Variants in ACD observed in about 807,000 individuals in gnomAD.
The protein encoded by ACD is adrenocortical dysplasia protein homolog.
ACD carries 39 observed loss-of-function variants against 53.9 expected under a neutral mutation model. The observed-to-expected ratio is 0.72, with a 90% CI of 0.56 to 0.95. The LOEUF (loss-of-function observed/expected upper bound fraction) is 0.95. Ranked by LOEUF, ACD falls within the 40% of genes least tolerant of loss-of-function variation. The probability of loss-of-function intolerance (pLI) is 0.00; values close to 1 mark genes in which losing one functional copy is unlikely to be tolerated. For synonymous variants in ACD, 273 were observed against 249.2 expected, an observed-to-expected ratio of 1.10 and a Z score of -0.90; for missense variants, 526 against 587.9, an observed-to-expected ratio of 0.89 and a Z score of 1.09.
Position 67,659,785 on chromosome 16 carries a change from C to G in ACD, c.253G>C (p.Glu85Gln). Residue 85 changes from glutamate (E) to glutamine (Q), a missense_variant, in exon 3 of 12, where the codon GAG becomes CAG. By Grantham distance (29) the Glu-to-Gln change is conservative (BLOSUM62 2). Transcript: ENST00000620761. ...ALDTSDWEEK[E>Q]FGFRGTEGRL... ...CCCTCTGTCCCGCGGAAGCCGAACT[C>G]CTTCTCCTCCCTGCAACAAGCAGGA... The G allele has an allele frequency of 6.2e-7, 1 of 1,607,348 alleles. No homozygotes were observed. The highest frequency in any genetic ancestry group is 8.5e-7 in the Non-Finnish European group (1 of 1,175,262).
At position 67,659,914 on chromosome 16, in the gene ACD, G is replaced by A. The variant is rs2052968974; in HGVS notation, c.231C>T (p.Asp77=). 1 of 1,601,078 alleles carries A rather than the reference G, an allele frequency of 6.2e-7. No individual in the cohort carries two copies. Among genetic ancestry groups the A allele is most frequent in the Non-Finnish European group, 8.5e-7 (1 of 1,174,802 alleles). Residue 77 remains aspartate, a synonymous_variant, in exon 2 of 12, where the codon GAC becomes GAT. Transcript: ENST00000620761. ...VRCLVTREAL[D]TSDWEEKEFG... ...GCGGGGCCTCTCACCAGTCCGAGGT[G>A]TCCAGGGCCTCCCGCGTCACCAGGC...
At position 67,658,766 on chromosome 16, in the gene ACD, A is replaced by G. The variant is rs544679646; in HGVS notation, c.696T>C (p.Asn232=). 3.1e-6 allele frequency: 5 copies of G among 1,613,550 alleles called. No homozygotes were observed. The Admixed American group carries it at 6.7e-5, about 22-fold the overall frequency. Residue 232 remains asparagine, a synonymous_variant, in exon 8 of 12, where the codon AAT becomes AAC. Transcript: ENST00000620761. ...CTAGAGAGCTCAGAATTAGCTGGTC[A>G]TTCTCAGAGATGCACAGCATTGAGC... ...VPSSMLCISE[N]DQLILSSLGP...
rs1407657316 is a variant in ACD, at chr16:67,657,763, T to G, written c.1297A>C (p.Arg433=). The change falls in exon 11 of 12, where the codon AGG becomes CGG. Residue 433 remains arginine (R), a splice_region_variant and synonymous_variant. Coordinates refer to ENST00000620761, the MANE Select transcript of ACD (RefSeq NM_001082486.2). This position sits in a 1 kb window ranked among gnomAD's most constrained non-coding sequence, Gnocchi z 4.5. ...GTTGGGGCAGACCCAGGCACTCACCTGACAGCTTGGACCCGAGCACAGAGG... is the reference window on the plus strand; with the variant it reads ...GTTGGGGCAGACCCAGGCACTCACCGGACAGCTTGGACCCGAGCACAGAGG... The part of the protein sequence containing the change: ...TSLCARVQAV[R]LPPQLMAWAL... 9 of 1,613,964 alleles carry G rather than the reference T, an allele frequency of 5.6e-6. No homozygotes were observed. The highest frequency in any genetic ancestry group is 1.3e-5 in the African/African-American group (1 of 74,928).
chr16:67,658,823 G>C lies in ACD; in HGVS notation c.646-7C>G. 1 of 1,609,634 alleles carries C rather than the reference G, an allele frequency of 6.2e-7. No homozygotes were observed. Among genetic ancestry groups the C allele is most frequent in the African/African-American group, 1.3e-5 (1 of 74,934 alleles). ...CAGTGTACACAGCTTCTCCCTGTGG[G>C]ACATGAACTCTGTAGGACAGGCCCG... On this transcript the variant is annotated splice_region_variant and splice_polypyrimidine_tract_variant and intron_variant, in intron 7 of 11. Coordinates refer to ENST00000620761, the MANE Select transcript of ACD (RefSeq NM_001082486.2).
At position 67,658,911 on chromosome 16, in the gene ACD, C is replaced by A; in HGVS notation, c.645+17G>T. ...ACTCCTCACCCTGACATCTCCCAAGCAAATCCCCAGACTGACCGTGGCCTT... is the reference window on the plus strand; with the variant it reads ...ACTCCTCACCCTGACATCTCCCAAGAAAATCCCCAGACTGACCGTGGCCTT... On this transcript the variant is annotated intron_variant, in intron 7 of 11. Transcript: ENST00000620761. 6.2e-7 allele frequency: 1 copy of A among 1,610,308 alleles called. No individual in the cohort carries two copies. The highest frequency in any genetic ancestry group is 8.5e-7 in the Non-Finnish European group (1 of 1,177,182).
At position 67,657,521 on chromosome 16, in the gene ACD, C is replaced by G. The variant is rs1310582747; in HGVS notation, c.*85G>C. On this transcript the variant is annotated 3_prime_UTR_variant, in exon 12 of 12. Transcript: ENST00000620761. This position sits in a 1 kb window ranked among gnomAD's most constrained non-coding sequence, Gnocchi z 4.5. ...GAGGCGGCGGCCCCAATCCCTGATC[C>G]TCTCCTCTCCTGCCGCATGAGATTA... 1.2e-6 allele frequency: 2 copies of G among 1,613,386 alleles called. No homozygotes were observed. The highest frequency in any genetic ancestry group is 1.3e-5 in the African/African-American group (1 of 74,926).
chr16:67,659,589 C>T lies in ACD; in HGVS notation c.361G>A (p.Asp121Asn). 6.2e-7 allele frequency: 1 copy of T among 1,613,494 alleles called. No individual in the cohort carries two copies. The highest frequency in any genetic ancestry group is 8.5e-7 in the Non-Finnish European group (1 of 1,179,976). ...TCCGTGGGCAGCAGGCTGAAGCGGTCCACCTGGAGATAGAACTCTGCGGGC... is the reference window on the plus strand; with the variant it reads ...TCCGTGGGCAGCAGGCTGAAGCGGTTCACCTGGAGATAGAACTCTGCGGGC... ...GAPAEFYLQV[D>N]RFSLLPTEQP... Residue 121 changes from aspartate to asparagine, a missense_variant, in exon 4 of 12, where the codon GAC becomes AAC. Physicochemically the swap from Asp to Asn is conservative, Grantham distance 23. Transcript: ENST00000620761.
chr16:67,659,872 C>T, intron 2 of ACD, 31 bp downstream of exon 2: 1 of 1,580,736 alleles, frequency 6.3e-7, no homozygotes, highest in South Asian at 1.1e-5. Flanking sequence ...CTGCCGGACT[C>T]CGACCTCCAG....
In ACD at chr16:67,659,219, T is replaced by A. The variant is rs993888788; in HGVS notation, c.493+10A>T. 2 of 1,614,014 alleles carry A rather than the reference T, an allele frequency of 1.2e-6. No homozygotes were observed. The highest frequency in any genetic ancestry group is 4.5e-5 in the East Asian group (2 of 44,866). ...AGCGTGTTAGGATCACTGGTCAAGC[T>A]CTACAGTACCTGCATTGGACGAGGT... On this transcript the variant is annotated intron_variant, in intron 6 of 11. Coordinates refer to ENST00000620761, the MANE Select transcript of ACD (RefSeq NM_001082486.2).
In ACD at chr16:67,659,760, C is replaced by T; in HGVS notation, c.278G>A (p.Gly93Asp). 1 of 1,611,776 alleles carries T rather than the reference C, an allele frequency of 6.2e-7. No homozygotes were observed. The highest frequency in any genetic ancestry group is 8.5e-7 in the Non-Finnish European group (1 of 1,178,672). ...GCAGTCCTGCAGCAGCAGCAGCCGG[C>T]CCTCTGTCCCGCGGAAGCCGAACTC... Reference protein sequence around the residue: ...EKEFGFRGTEGRLLLLQDCGV... With the variant: ...EKEFGFRGTEDRLLLLQDCGV... Residue 93 changes from glycine (G) to aspartate (D), a missense_variant, in exon 3 of 12, where the codon GGC becomes GAC. Physicochemically the swap from Gly to Asp is moderately conservative, Grantham distance 94. Transcript: ENST00000620761.
chr16:67,657,676 G>A lies in ACD; in HGVS notation c.1307C>T (p.Pro436Leu). The A allele has an allele frequency of 2.5e-6, 4 of 1,614,152 alleles. No homozygotes were observed. Among genetic ancestry groups the A allele is most frequent in the Non-Finnish European group, 3.4e-6 (4 of 1,180,048 alleles). The change falls in exon 12 of 12, where the codon CCC (proline) becomes CTC (leucine). Residue 436 changes from proline to leucine, a missense_variant. By Grantham distance (98) the Pro-to-Leu change is moderately conservative. Transcript: ENST00000620761. This position sits in a 1 kb window ranked among gnomAD's most constrained non-coding sequence, Gnocchi z 4.5. Reference protein sequence around the residue: ...CARVQAVRLPPQLMAWALHFL... With the variant: ...CARVQAVRLPLQLMAWALHFL... ...GTGCAAGGCCCAGGCCATGAGCTGG[G>A]GAGGAAGCCTGGAAAGAAACCACCG...
In ACD at chr16:67,657,570, G is replaced by A; in HGVS notation, c.*36C>T. The A allele has an allele frequency of 1.2e-6, 2 of 1,614,090 alleles. No homozygotes were observed. The highest frequency in any genetic ancestry group is 1.7e-6 in the Non-Finnish European group (2 of 1,179,952). On this transcript the variant is annotated 3_prime_UTR_variant, in exon 12 of 12. Transcript: ENST00000620761. This position sits in a 1 kb window ranked among gnomAD's most constrained non-coding sequence, Gnocchi z 4.5. Reference sequence around the variant, plus strand: ...TATTTTATTAAAAAACTCAAAGGAAGCAGAGTGTGGAGCGGTATCTGTCCT... The same window carrying A: ...TATTTTATTAAAAAACTCAAAGGAAACAGAGTGTGGAGCGGTATCTGTCCT...
In ACD at chr16:67,659,783, C is replaced by T. The variant is rs146942923; in HGVS notation, c.255G>A (p.Glu85=). The T allele has an allele frequency of 5.0e-6, 8 of 1,606,614 alleles. No homozygotes were observed. In the African/African-American group the frequency reaches 8.0e-5, roughly 16 times the overall value. ...GGCCCTCTGTCCCGCGGAAGCCGAA[C>T]TCCTTCTCCTCCCTGCAACAAGCAG... is the stretch of plus-strand genomic sequence containing the variant. ...ALDTSDWEEK[E]FGFRGTEGRL... The change falls in exon 3 of 12, where the codon GAG becomes GAA. Residue 85 remains glutamate, a synonymous_variant. Transcript: ENST00000620761.
At position 67,658,916 on chromosome 16, in the gene ACD, C is replaced by A; in HGVS notation, c.645+12G>T. ...TCACCCTGACATCTCCCAAGCAAAT[C>A]CCCAGACTGACCGTGGCCTTGCATC... On this transcript the variant is annotated intron_variant, in intron 7 of 11. Coordinates refer to ENST00000620761, the MANE Select transcript of ACD (RefSeq NM_001082486.2). The A allele has an allele frequency of 6.2e-7, 1 of 1,612,896 alleles. No individual in the cohort carries two copies. Among genetic ancestry groups the A allele is most frequent in the Non-Finnish European group, 8.5e-7 (1 of 1,179,282 alleles).
At position 67,659,629 on chromosome 16, in the gene ACD, G is replaced by C. The variant is rs753448266; in HGVS notation, c.337-16C>G. 3.7e-6 allele frequency: 6 copies of C among 1,613,208 alleles called. No individual in the cohort carries two copies. The highest frequency in any genetic ancestry group is 1.1e-5 in the South Asian group (1 of 91,076). On this transcript the variant is annotated splice_polypyrimidine_tract_variant and intron_variant, in intron 3 of 11. Coordinates refer to ENST00000620761, the MANE Select transcript of ACD (RefSeq NM_001082486.2). ...ACTCTGCGGGCTGGAGGAGTTCGGG[G>C]GGAAGGGGGGGTCTCAGAATCGTCA... is the stretch of plus-strand genomic sequence containing the variant.
In ACD at chr16:67,660,020, A is replaced by T; in HGVS notation, c.125T>A (p.Val42Asp). Residue 42 changes from valine to aspartate, a missense_variant, in exon 2 of 12, where the codon GTC becomes GAC. Transcript: ENST00000620761. Reference sequence around the variant, plus strand: ...ATCAGGGGCGTGGGATGGGCCCGCGACCGCGGCCTCGGCGTCCTGTAGTAC... The same window carrying T: ...ATCAGGGGCGTGGGATGGGCCCGCGTCCGCGGCCTCGGCGTCCTGTAGTAC... ...LEVLQDAEAA[V>D]AGPSHAPDTS... The T allele has an allele frequency of 6.2e-7, 1 of 1,606,674 alleles. No individual in the cohort carries two copies. Among genetic ancestry groups the T allele is most frequent in the Non-Finnish European group, 8.5e-7 (1 of 1,177,314 alleles).
Position 67,660,252 on chromosome 16 carries a change from C to T in ACD, c.-32G>A, listed in dbSNP as rs768960565. The T allele has an allele frequency of 5.0e-6, 8 of 1,612,290 alleles. No homozygotes were observed. The highest frequency in any genetic ancestry group is 4.0e-5 in the African/African-American group (3 of 74,942). ...GGCTACACCCAGCGGATGCAACGGGCCCGGGTTTCCCGCGGGCGCCCAGGC... is the reference window on the plus strand; with the variant it reads ...GGCTACACCCAGCGGATGCAACGGGTCCGGGTTTCCCGCGGGCGCCCAGGC... On this transcript the variant is annotated 5_prime_UTR_variant, in exon 1 of 12. Transcript: ENST00000620761.
At position 67,659,704 on chromosome 16, in the gene ACD, C is replaced by T. The variant is rs773029984; in HGVS notation, c.334G>A (p.Ala112Thr). 1.2e-6 allele frequency: 2 copies of T among 1,613,284 alleles called. No homozygotes were observed. The highest frequency in any genetic ancestry group is 1.1e-5 in the South Asian group (1 of 91,086). Reference sequence around the variant, plus strand: ...CCCAAGGCAGTCTCACCACTCACCGCGCCGCCCTCAGCGACCTGGACATGA... The same window carrying T: ...CCCAAGGCAGTCTCACCACTCACCGTGCCGCCCTCAGCGACCTGGACATGA... ...GVHVQVAEGGAPAEFYLQVDR... is the reference protein window; with the variant it reads ...GVHVQVAEGGTPAEFYLQVDR... Residue 112 changes from alanine to threonine, a missense_variant and splice_region_variant, in exon 3 of 12, where the codon GCG becomes ACG. Coordinates refer to ENST00000620761, the MANE Select transcript of ACD (RefSeq NM_001082486.2).
chr16:67,658,272 G>A lies in ACD; in HGVS notation c.920C>T (p.Pro307Leu). Reference sequence around the variant, plus strand: ...GGGCTGGGAGCTGCTTCTCTGCCCTGGGTCTGGAGCAGCCAAGGACAGGGC... The same window carrying A: ...GGGCTGGGAGCTGCTTCTCTGCCCTAGGTCTGGAGCAGCCAAGGACAGGGC... The part of the protein sequence containing the change: ...LPALSLAAPD[P>L]GQRSSSQPSP... The change falls in exon 10 of 12, where the codon CCA (proline) becomes CTA (leucine). Residue 307 changes from proline (P) to leucine (L), a missense_variant. Coordinates refer to ENST00000620761, the MANE Select transcript of ACD (RefSeq NM_001082486.2). 6.2e-7 allele frequency: 1 copy of A among 1,613,738 alleles called. No homozygotes were observed. Among genetic ancestry groups the A allele is most frequent in the South Asian group, 1.1e-5 (1 of 91,090 alleles).
Sources: gnomAD v4.1 joint callset for allele counts on GRCh38, gnomAD v4.1.1 for gene constraint, Gnocchi (gnomAD v3.1) non-coding constraint, MANE v1.5 for transcripts, NCBI Gene and HGNC (gene_info 2026-07-23, HGNC 2026-07-21) for gene names.